KYAT3: variants seen among roughly 807,000 people sequenced by gnomAD.
KYAT3 encodes the protein kynurenine aminotransferase 3.
Under a neutral mutation model 59.0 loss-of-function variants are expected in KYAT3, and 50 were observed. The observed-to-expected ratio is 0.85, with a 90% CI of 0.68 to 1.07. The LOEUF (loss-of-function observed/expected upper bound fraction) is 1.07. Among genes scored for constraint, KYAT3 ranks in the 50% least tolerant of loss-of-function variants. The pLI, the probability that KYAT3 is intolerant of heterozygous loss-of-function variation, is 0.00. For missense variants in KYAT3, 497 were observed against 533.3 expected (o/e 0.93, Z 0.67); for synonymous variants, 148 against 177.0 (o/e 0.84, Z 1.30).
intron 1 of KYAT3, among the ~76,000 whole-genome samples, chr1:88,992,127 C>A (rs1284127180): frequency 6.6e-6 from 1 of 151,996 alleles, no homozygotes; most frequent in Non-Finnish European, 1.5e-5. Flanking sequence ...TACAGGCGCC[C>A]GCCACCACGC....
chr1:88,925,744 A>G, the KYAT3 span, among the ~76,000 whole-genome samples: 6 of 151,748 alleles, frequency 4.0e-5, no homozygotes, highest in African/African-American at 1.2e-4. Context: ...GGAGAGACAG[A>G]GGAGATAGAG....
At chr1:88,976,778 ATCGGTAGGTC>A (rs1485922524) in intron 2 of KYAT3, among the ~76,000 whole-genome samples, 37 of 152,322 alleles carry the variant, frequency 2.4e-4, no homozygotes, top group Non-Finnish European at 8.8e-5. Flanking sequence ...GATCCAGTTC[ATCGGTAGGTC>A]TAGGCTAACG....
intron 11 of KYAT3, among the ~76,000 whole-genome samples, chr1:88,944,192 T>C (rs1175214888): frequency 6.6e-6 from 1 of 152,230 alleles, no homozygotes; most frequent in African/African-American, 2.4e-5. Flanking sequence ...TTTGATCTTC[T>C]TGAATGCCCT....
At chr1:88,932,156 G>A (rs1674923527), downstream of KYAT3, among the ~76,000 whole-genome samples, 1 of 152,168 alleles carries the variant, frequency 6.6e-6, no homozygotes. Context: ...ACTGTCTACT[G>A]AGAGCTCTAG....
chr1:88,981,977 A>G (rs1179254907), intron 2 of KYAT3: 2 of 984,346 alleles, frequency 2.0e-6, no homozygotes, highest in Admixed American at 6.1e-5. Context: ...GTTTTGGCCA[A>G]ACTTTTTATT....
chr1:88,983,864 G>T, intron 2 of KYAT3: 1 of 1,610,758 alleles, frequency 6.2e-7, no homozygotes, highest in Non-Finnish European at 8.5e-7. Flanking sequence ...GTGACAGTGG[G>T]TTCAAGCTCC....
intron 5 of KYAT3, among the ~76,000 whole-genome samples, chr1:88,962,400 A>T (rs3820243): frequency 0.11 from 16,253 of 152,250 alleles, 933 homozygotes; most frequent in Middle Eastern, 0.19. Context: ...TTGAAATTAC[A>T]TATAAAATTT....
At position 88,983,195 on chromosome 1, in the gene KYAT3, T is replaced by C. The variant is rs777643879; in HGVS notation, c.99+5057A>G. ...GCTGTCTTTAGTAGAATACCCATCA[T>C]CTCTTGGGGACAAATAAACATCTCT... is the stretch of plus-strand genomic sequence containing the variant. On this transcript the variant is annotated intron_variant, in intron 2 of 13. Transcript: ENST00000260508. 5.0e-6 allele frequency: 8 copies of C among 1,612,740 alleles called. No homozygotes were observed. The highest frequency in any genetic ancestry group is 4.5e-5 in the East Asian group (2 of 44,888).
At chr1:88,986,140 C>T (rs557950007) in intron 2 of KYAT3, among the ~76,000 whole-genome samples, 2 of 151,160 alleles carry the variant, frequency 1.3e-5, no homozygotes, top group South Asian at 4.2e-4. Flanking sequence ...GAGATTGCGC[C>T]ATTGCACTCC....
downstream of KYAT3, among the ~76,000 whole-genome samples, chr1:88,932,797 G>T (rs1674935350): frequency 6.6e-6 from 1 of 152,014 alleles, no homozygotes; most frequent in African/African-American, 2.4e-5. Flanking sequence ...CACCAAGCTG[G>T]CATTATTTTA....
intron 13 of KYAT3, among the ~76,000 whole-genome samples, chr1:88,937,509 A>G (rs1263129210): frequency 1.3e-5 from 2 of 152,216 alleles, no homozygotes; most frequent in Non-Finnish European, 2.9e-5. Flanking sequence ...ACTGTACTAC[A>G]AAATAAAAAT....
intron 11 of KYAT3, among the ~76,000 whole-genome samples, chr1:88,948,327 TG>T (rs1675530768): frequency 6.6e-6 from 1 of 152,210 alleles, no homozygotes; most frequent in African/African-American, 2.4e-5. Flanking sequence ...ATATTTAGAA[TG>T]GCTGTAATTT....
intron 1 of KYAT3, among the ~76,000 whole-genome samples, chr1:88,990,349 T>G (rs184922522): frequency 4.9e-4 from 75 of 152,204 alleles, no homozygotes; most frequent in Non-Finnish European, 7.9e-4. Flanking sequence ...TTTTACTAGC[T>G]CTCTCCTTTT....
downstream of KYAT3, among the ~76,000 whole-genome samples, chr1:88,931,566 G>C (rs556373328): frequency 6.6e-6 from 1 of 152,034 alleles, no homozygotes; most frequent in Admixed American, 6.5e-5. Context: ...CTGTTGAGAG[G>C]GGGGACTGAG....
intron 2 of KYAT3, among the ~76,000 whole-genome samples, chr1:88,973,816 T>A (rs1676652830): frequency 6.6e-6 from 1 of 152,242 alleles, no homozygotes; most frequent in Admixed American, 6.5e-5. Context: ...GTTGAACCCA[T>A]GATCTTAAGA....
At chr1:88,986,302 TTA>T (rs1677452024) in intron 2 of KYAT3, among the ~76,000 whole-genome samples, 1 of 150,762 alleles carries the variant, frequency 6.6e-6, no homozygotes, top group South Asian at 2.1e-4. Flanking sequence ...CATTTAAATT[TTA>T]GACTCTCTTA....
chr1:88,975,442 C>CAT (rs1676745056), intron 2 of KYAT3, among the ~76,000 whole-genome samples: 1 of 152,144 alleles, frequency 6.6e-6, no homozygotes, highest in South Asian at 2.1e-4. Flanking sequence ...TGAGCCACAG[C>CAT]GCCCAGCCCC....
chr1:88,968,287 A>G (rs1403986555), intron 4 of KYAT3, among the ~76,000 whole-genome samples: 1 of 152,218 alleles, frequency 6.6e-6, no homozygotes, highest in Non-Finnish European at 1.5e-5. Context: ...GAAGGATGGG[A>G]GTGAGCTGGC....
At position 88,966,155 on chromosome 1, in the gene KYAT3, T is replaced by C. The variant is rs1044042708; in HGVS notation, c.304-1177A>G. On this transcript the variant is annotated intron_variant, in intron 4 of 13. Transcript: ENST00000260508. Reference sequence around the variant, plus strand: ...ACCACTCTCAGTGCTTATACCAATATAAAAACACATAGACATGTATATACC... The same window carrying C: ...ACCACTCTCAGTGCTTATACCAATACAAAAACACATAGACATGTATATACC... 3.9e-5 allele frequency among the ~76,000 whole-genome samples: 6 copies of C among 152,244 alleles called. No homozygotes were observed. The East Asian group carries it at 1.2e-3, about 29-fold the overall frequency.
Sources: gnomAD v4.1 joint callset for allele counts (sites outside exome capture counted in the v4.1 genomes callset) on GRCh38, gnomAD v4.1.1 for gene constraint, MANE v1.5 for transcripts, NCBI Gene and HGNC (gene_info 2026-07-23, HGNC 2026-07-21) for gene names.